The following ANKEF1 variants were observed in gnomAD, a reference collection of about 807,000 sequenced individuals.
The protein encoded by ANKEF1 is ankyrin repeat and EF-hand domain-containing protein 1.
ANKEF1 carries 43 observed loss-of-function variants against 65.1 expected under a neutral mutation model. The ratio of observed to expected loss-of-function variants is 0.66; its 90% CI spans 0.52 to 0.85. The LOEUF (loss-of-function observed/expected upper bound fraction) is 0.85. ANKEF1 is among the 40% of genes least tolerant of loss of function. The pLI, the probability that ANKEF1 is intolerant of heterozygous loss-of-function variation, is 0.00. For missense variants in ANKEF1, 934 were observed against 952.9 expected, an observed-to-expected ratio of 0.98 and a Z score of 0.26; for synonymous variants, 316 against 341.5, an observed-to-expected ratio of 0.93 and a Z score of 0.82.
rs777386164 is a variant in ANKEF1 at position 10,054,608 on chromosome 20, T to C, written c.2172+9T>C. ...CATTTATTCCACGGAGGGTAAGTGCTTCGAAAAGATCTTCATAGCATGGTA... is the reference window on the plus strand; with the variant it reads ...CATTTATTCCACGGAGGGTAAGTGCCTCGAAAAGATCTTCATAGCATGGTA... On this transcript the variant is annotated intron_variant, in intron 10 of 10. Coordinates refer to ENST00000378392, the MANE Select transcript of ANKEF1 (RefSeq NM_022096.6). 2 of 1,603,628 alleles carry C rather than the reference T, an allele frequency of 1.2e-6. No homozygotes were observed. The highest frequency in any genetic ancestry group is 2.3e-5 in the South Asian group (2 of 88,338).
intron 8 of ANKEF1, among the ~76,000 whole-genome samples, chr20:10,052,307 C>T (rs1984908244): frequency 9.0e-6 from 1 of 111,268 alleles, no homozygotes; most frequent in Non-Finnish European, 1.8e-5. Flanking sequence ...TGGACTTGCA[C>T]CAGTTTGCAG....
At chr20:10,045,474 C>A in intron 5 of ANKEF1, 100 bp from the exon 6 acceptor site, 2 of 1,178,336 alleles carry the variant, frequency 1.7e-6, no homozygotes, top group Non-Finnish European at 2.4e-6. Context: ...TCATACGTGG[C>A]TAATTGATAT....
rs1411355364 is a variant in ANKEF1 at position 10,045,621 on chromosome 20, G to A, written c.744G>A (p.Ser248=). The part of the protein sequence containing the change: ...FAYNGDVGLI[S]INGNTPLHYA... ...ACAATGGAGACGTGGGGCTGATTTC[G>A]ATAAATGGGAACACACCACTTCATT... Residue 248 remains serine, a synonymous_variant, in exon 6 of 11, where the codon TCG becomes TCA. Transcript: ENST00000378392. The A allele has an allele frequency of 7.4e-6, 12 of 1,613,550 alleles. No individual in the cohort carries two copies. Among genetic ancestry groups the A allele is most frequent in the East Asian group, 2.2e-5 (1 of 44,856 alleles).
At chr20:10,051,537 A>T (rs1345986075) in intron 7 of ANKEF1, 126 bp from the exon 8 acceptor site, 2 of 723,824 alleles carry the variant, frequency 2.8e-6, no homozygotes, top group Middle Eastern at 3.3e-4. Flanking sequence ...GGTTTGAAGA[A>T]AAATTATGGC....
intron 2 of ANKEF1, among the ~76,000 whole-genome samples, chr20:10,037,159 G>A (rs1171992610): frequency 6.6e-6 from 1 of 152,132 alleles, no homozygotes; most frequent in African/African-American, 2.4e-5. Flanking sequence ...TGCAAATGTT[G>A]GAAACTTAGC....
At chr20:10,053,799 T>C (rs1242509391) in intron 9 of ANKEF1, among the ~76,000 whole-genome samples, 1 of 152,170 alleles carries the variant, frequency 6.6e-6, no homozygotes, top group Non-Finnish European at 1.5e-5. Flanking sequence ...CTCTAGAATA[T>C]CCTGCAAAAT....
rs1985212324 is a variant in ANKEF1 at position 10,057,037 on chromosome 20, T to C, written c.*1377T>C. Reference sequence around the variant, plus strand: ...GCATTATTCACACCAAGAAATGCAGTGGGTACCGAACAGGAGCTCCAAAAA... The same window carrying C: ...GCATTATTCACACCAAGAAATGCAGCGGGTACCGAACAGGAGCTCCAAAAA... On this transcript the variant is annotated 3_prime_UTR_variant, in exon 11 of 11. Coordinates refer to ENST00000378392, the MANE Select transcript of ANKEF1 (RefSeq NM_022096.6). The C allele has an allele frequency of 6.6e-6, 1 of 152,038 alleles. No homozygotes were observed. Among genetic ancestry groups the C allele is most frequent in the Non-Finnish European group, 1.5e-5 (1 of 68,010 alleles). 9.4% of individuals were successfully genotyped at this position (152,038 alleles called of 1,614,324 possible).
chr20:10,043,003 G>T (rs758184238), intron 3 of ANKEF1, 119 bp from the exon 4 acceptor site: 6 of 955,638 alleles, frequency 6.3e-6, no homozygotes, highest in Non-Finnish European at 9.2e-6. Context: ...GTTTCAGAGA[G>T]GAAACTGAGG....
rs548855463 is a variant in ANKEF1, at chr20:10,045,845, A to G, written c.820+148A>G. ...ATATGTAGAAAGAAAATTGAAAATTATTTCTTATACTACCCTCTGTTAAAT... is the reference window on the plus strand; with the variant it reads ...ATATGTAGAAAGAAAATTGAAAATTGTTTCTTATACTACCCTCTGTTAAAT... On this transcript the variant is annotated intron_variant, in intron 6 of 10. Coordinates refer to ENST00000378392, the MANE Select transcript of ANKEF1 (RefSeq NM_022096.6). 6 of 730,320 alleles carry G rather than the reference A, an allele frequency of 8.2e-6. No homozygotes were observed. In the Admixed American group the frequency reaches 1.7e-4, roughly 21 times the overall value. 45.2% of individuals were successfully genotyped at this position (730,320 alleles called of 1,614,324 possible). A position where few individuals can be genotyped will look rare whatever the true frequency, so the allele number is the denominator to read the frequency against.
rs559833738 is a variant in ANKEF1 at position 10,037,081 on chromosome 20, G to A, written c.-44-1177G>A. On this transcript the variant is annotated intron_variant, in intron 2 of 10. Coordinates refer to ENST00000378392, the MANE Select transcript of ANKEF1 (RefSeq NM_022096.6). The stretch of plus-strand genomic sequence containing the variant: ...ACTGCCGTAGAGAATGTAGGTGAGG[G>A]AGCAGGCTTGCGATGGAGAAAAATG... Among the ~76,000 whole-genome samples the A allele has an allele frequency of 1.1e-3, 174 of 152,260 alleles. 6 individuals are homozygous for A. In the South Asian group the frequency reaches 0.035, roughly 31 times the overall value.
intron 3 of ANKEF1, among the ~76,000 whole-genome samples, chr20:10,039,903 A>G (rs569611515): frequency 4.8e-4 from 73 of 152,334 alleles, no homozygotes; most frequent in African/African-American, 1.6e-3. Flanking sequence ...CCTTTGGGAA[A>G]CACTATAATA....
chr20:10,039,262 T>C (rs1600508797), intron 3 of ANKEF1, among the ~76,000 whole-genome samples: 1 of 152,196 alleles, frequency 6.6e-6, no homozygotes, highest in Non-Finnish European at 1.5e-5. Flanking sequence ...CTCAAGACCA[T>C]GGTCTGAGGA....
At chr20:10,040,381 A>T (rs1984112610) in intron 3 of ANKEF1, among the ~76,000 whole-genome samples, 1 of 152,222 alleles carries the variant, frequency 6.6e-6, no homozygotes, top group African/African-American at 2.4e-5. Context: ...TTCCTAAAGG[A>T]TAAGCAAACA....
intron 2 of ANKEF1, among the ~76,000 whole-genome samples, chr20:10,036,659 T>C (rs1983876247): frequency 6.6e-6 from 1 of 152,146 alleles, no homozygotes; most frequent in Non-Finnish European, 1.5e-5. Context: ...CTGGCCAACA[T>C]GGTGAAACCC....
chr20:10,044,736 T>C (rs763270249), intron 5 of ANKEF1, among the ~76,000 whole-genome samples, 193 bp downstream of exon 5: 1 of 152,234 alleles, frequency 6.6e-6, no homozygotes, highest in Non-Finnish European at 1.5e-5. Flanking sequence ...TTTAGTTTTA[T>C]GTGTTTGCTA....
At position 10,043,324 on chromosome 20, in the gene ANKEF1, A is replaced by G. The variant is rs551107724; in HGVS notation, c.546+3A>G. Reference sequence around the variant, plus strand: ...CCAATCCTAATGCAATCAACTCAGTATGGCTATTCTTGTGATTACAAATAT... The same window carrying G: ...CCAATCCTAATGCAATCAACTCAGTGTGGCTATTCTTGTGATTACAAATAT... On this transcript the variant is annotated splice_donor_region_variant and intron_variant, in intron 4 of 10. Coordinates refer to ENST00000378392, the MANE Select transcript of ANKEF1 (RefSeq NM_022096.6). 2.5e-4 allele frequency: 408 copies of G among 1,612,994 alleles called. 3 individuals carry two copies. The South Asian group carries it at 4.2e-3, about 17-fold the overall frequency.
chr20:10,043,652 CTTTTTTTTTT>C (rs374135080), intron 4 of ANKEF1, among the ~76,000 whole-genome samples: 1 of 81,372 alleles, frequency 1.2e-5, no homozygotes, highest in African/African-American at 5.1e-5. Flanking sequence ...TTTTCTTTTC[CTTTTTTTTTT>C]TTTTTTTTTT....
chr20:10,054,737 A>G (rs1291703690), intron 10 of ANKEF1, 138 bp downstream of exon 10: 2 of 873,250 alleles, frequency 2.3e-6, no homozygotes, highest in East Asian at 3.1e-5. Context: ...TTCTTTTGCC[A>G]GGTTCTGGTA....
intron 2 of ANKEF1, 42 bp from the exon 3 acceptor site, chr20:10,038,216 A>C (rs571246422): frequency 1.9e-5 from 16 of 831,144 alleles, no homozygotes; most frequent in African/African-American, 1.7e-4. Flanking sequence ...AATGAAGATG[A>C]TAAAATTAAC....
Sources: gnomAD v4.1 joint callset for allele counts (sites outside exome capture counted in the v4.1 genomes callset) on GRCh38, gnomAD v4.1.1 for gene constraint, MANE v1.5 for transcripts, NCBI Gene and HGNC (gene_info 2026-07-23, HGNC 2026-07-21) for gene names.